Variants in SPMIP8 observed in about 807,000 individuals in gnomAD.
SPMIP8 encodes testicular tissue protein Li 196.
chr16:57,979,243 CAGCTTGGG>C, the SPMIP8 span, among the ~76,000 whole-genome samples: 7 of 152,208 alleles, frequency 4.6e-5, no homozygotes, highest in Admixed American at 2.0e-4. Flanking sequence ...ACCTAGGCTC[CAGCTTGGG>C]TGACAGGTGG....
chr16:57,985,370 G>A, the SPMIP8 span: 16 of 1,594,390 alleles, frequency 1.0e-5, no homozygotes, highest in Admixed American at 1.2e-4. Context: ...CCAGAGCAGG[G>A]CCTCCCAGTC....
chr16:57,985,536 T>G, the SPMIP8 span: 1 of 1,605,102 alleles, frequency 6.2e-7, no homozygotes, highest in Admixed American at 1.7e-5. Flanking sequence ...GCCCCTGCCT[T>G]TCGACTCCCT....
chr16:57,977,860 C>T, the SPMIP8 span: 3 of 1,614,194 alleles, frequency 1.9e-6, no homozygotes, highest in Middle Eastern at 1.7e-4. Context: ...GATGGCTCCA[C>T]ACATGTGTAT....
chr16:57,984,304 T>G, the SPMIP8 span: 3 of 1,614,200 alleles, frequency 1.9e-6, no homozygotes, highest in Non-Finnish European at 2.5e-6. Context: ...TTTCAACAGA[T>G]GAATTTGACA....
At chr16:57,984,498 G>A in the SPMIP8 span, 5 of 1,513,660 alleles carry the variant, frequency 3.3e-6, no homozygotes, top group South Asian at 5.9e-5. Flanking sequence ...CACCCCATCC[G>A]GGTTCACGAC....
At chr16:57,979,925 G>A in the SPMIP8 span, among the ~76,000 whole-genome samples, 10 of 152,108 alleles carry the variant, frequency 6.6e-5, no homozygotes, top group African/African-American at 1.9e-4. Context: ...AAAATTAGCC[G>A]GGCGGGGTGG....
chr16:57,986,101 G>A, the SPMIP8 span: 1 of 858,694 alleles, frequency 1.2e-6, no homozygotes, highest in Non-Finnish European at 1.7e-6. Flanking sequence ...TCGCTCTGGA[G>A]AGATCCGCCC....
chr16:57,984,792 C>T, the SPMIP8 span: 4 of 1,607,954 alleles, frequency 2.5e-6, no homozygotes, highest in Non-Finnish European at 3.4e-6. Context: ...GTTCAAGCTG[C>T]CTTGCCTGAG....
chr16:57,978,382 A>C, the SPMIP8 span, among the ~76,000 whole-genome samples: 1 of 152,076 alleles, frequency 6.6e-6, no homozygotes, highest in East Asian at 2.0e-4. Flanking sequence ...TCTACTAAAA[A>C]TACAAAACTT....
the SPMIP8 span, chr16:57,984,747 G>A: frequency 1.2e-6 from 2 of 1,607,154 alleles, no homozygotes; most frequent in Non-Finnish European, 8.5e-7. Flanking sequence ...GCGCGCCATC[G>A]AGGACTGGTC....
At chr16:57,984,961 G>A in the SPMIP8 span, 3 of 1,217,802 alleles carry the variant, frequency 2.5e-6, no homozygotes, top group Non-Finnish European at 3.4e-6. Context: ...GCGGTGGGTG[G>A]AGCCGAGACG....
the SPMIP8 span, among the ~76,000 whole-genome samples, chr16:57,977,296 G>A: frequency 6.6e-6 from 1 of 150,912 alleles, no homozygotes; most frequent in Non-Finnish European, 1.5e-5. Context: ...TATAATCCCA[G>A]TTCCTCAGGA....
the SPMIP8 span, among the ~76,000 whole-genome samples, chr16:57,978,963 G>T: frequency 6.6e-6 from 1 of 152,148 alleles, no homozygotes; most frequent in South Asian, 2.1e-4. Context: ...GACAGGTGCA[G>T]TGGTAGGAGT....
chr16:57,982,522 C>A, the SPMIP8 span, among the ~76,000 whole-genome samples: 2 of 152,212 alleles, frequency 1.3e-5, no homozygotes, highest in Non-Finnish European at 2.9e-5. Flanking sequence ...TGTAAACCAG[C>A]AGCTAGGTGT....
chr16:57,984,480 C>T, the SPMIP8 span: 2 of 1,513,006 alleles, frequency 1.3e-6, no homozygotes, highest in East Asian at 4.5e-5. Context: ...GACTCCCGCT[C>T]CCCACATCAC....
At chr16:57,977,667 C>A in the SPMIP8 span, 1 of 834,316 alleles carries the variant, frequency 1.2e-6, no homozygotes, top group Non-Finnish European at 1.9e-6. Context: ...TCATGCTGAG[C>A]TCCAGAAAAA....
At chr16:57,984,944 G>T in the SPMIP8 span, 1 of 1,287,744 alleles carries the variant, frequency 7.8e-7, no homozygotes, top group Non-Finnish European at 1.0e-6. Context: ...ATGAAGCTGT[G>T]GCACTTGCGG....
At chr16:57,985,896 C>T in the SPMIP8 span, 24 of 1,611,166 alleles carry the variant, frequency 1.5e-5, no homozygotes, top group Non-Finnish European at 2.0e-5. Flanking sequence ...TCACCCGCCC[C>T]GTTCTTTCCC....
the SPMIP8 span, chr16:57,984,814 A>G: frequency 6.2e-7 from 1 of 1,600,778 alleles, no homozygotes; most frequent in South Asian, 1.1e-5. Context: ...AAGCGAGGTC[A>G]GTCTACGGGC....
Sources: gnomAD v4.1 joint callset for allele counts (sites outside exome capture counted in the v4.1 genomes callset) on GRCh38, gnomAD v4.1.1 for gene constraint, MANE v1.5 for transcripts, NCBI Gene and HGNC (gene_info 2026-07-23, HGNC 2026-07-21) for gene names.